Variants in LGALS8 observed in about 807,000 individuals in gnomAD.
The protein encoded by LGALS8 is galectin-8.
LGALS8 carries 30 observed loss-of-function variants against 35.9 expected under a neutral mutation model. That is an observed-to-expected ratio of 0.83 (90% CI 0.62 to 1.13). LGALS8 has a LOEUF of 1.13. Among genes scored for constraint, LGALS8 ranks in the 50% most tolerant of loss-of-function variants. LGALS8 has a pLI of 0.00. For missense variants in LGALS8, 366 were observed against 388.7 expected (o/e 0.94, Z 0.49); for synonymous variants, 138 against 136.1 (o/e 1.01, Z -0.10).
chr1:236,525,674 G>A (rs892255757), intron 1 of LGALS8: 5 of 159,406 alleles, frequency 3.1e-5, no homozygotes, highest in Admixed American at 6.3e-5. Context: ...AAAGTGCTGG[G>A]ATTACAGGTG....
Position 236,550,787 on chromosome 1 carries a change from T to C in LGALS8, c.*2626T>C. The C allele has an allele frequency of 1.4e-6, 1 of 734,492 alleles. No homozygotes were observed. The highest frequency in any genetic ancestry group is 2.0e-5 in the South Asian group (1 of 51,130). The allele number at this position is 734,492 out of a possible 1,614,324, so 45.5% of individuals were successfully genotyped here. ...AAAGAAGTGATAAAACATTTGTAAG[T>C]AATCCAAGTAGGTGTATTAAGGCAC... On this transcript the variant is annotated 3_prime_UTR_variant, in exon 10 of 10. Transcript: ENST00000366584.
intron 9 of LGALS8, among the ~76,000 whole-genome samples, chr1:236,547,582 G>A (rs1048416193): frequency 6.6e-6 from 1 of 152,032 alleles, no homozygotes; most frequent in Admixed American, 6.6e-5. Flanking sequence ...AAGTCCCTTG[G>A]TTCCAGGCTA....
Position 236,529,983 on chromosome 1 carries a change from A to G in LGALS8, c.45+3868A>G, listed in dbSNP as rs141556908. Among the ~76,000 whole-genome samples the G allele has an allele frequency of 3.1e-3, 469 of 152,292 alleles. 2 individuals carry two copies. Among genetic ancestry groups the G allele is most frequent in the African/African-American group, 0.011 (452 of 41,552 alleles). ...CTTTTCTTTCTATTGAATTTGAATG[A>G]ATAATTTGGAAGACAGTATCTTTAC... On this transcript the variant is annotated intron_variant, in intron 2 of 9. Transcript: ENST00000366584.
Position 236,537,639 on chromosome 1 carries a change from G to A in LGALS8, c.134+54G>A, listed in dbSNP as rs968217544. The A allele has an allele frequency of 5.6e-6, 7 of 1,257,012 alleles. No individual in the cohort carries two copies. The Admixed American group carries it at 1.2e-4, about 22-fold the overall frequency. 77.9% of individuals were successfully genotyped at this position (1,257,012 alleles called of 1,614,324 possible). Reference sequence around the variant, plus strand: ...ATGAATAGGCTGTCTTTTTGTGATTGTGGAATGATAACAGAGTAAGGCGGG... The same window carrying A: ...ATGAATAGGCTGTCTTTTTGTGATTATGGAATGATAACAGAGTAAGGCGGG... On this transcript the variant is annotated intron_variant, in intron 3 of 9. Transcript: ENST00000366584.
At chr1:236,545,256 A>G (rs917346935) in intron 9 of LGALS8, 3 of 165,226 alleles carry the variant, frequency 1.8e-5, no homozygotes, top group African/African-American at 7.2e-5. Context: ...GGAGACCCTA[A>G]AACTGCTTGC....
chr1:236,533,101 A>T (rs1431216518), intron 2 of LGALS8, among the ~76,000 whole-genome samples: 2 of 152,074 alleles, frequency 1.3e-5, no homozygotes, highest in Admixed American at 6.5e-5. Flanking sequence ...CTTCTTTCGT[A>T]TGTCACTCTA....
At chr1:236,533,159 G>A (rs1037030337) in intron 2 of LGALS8, among the ~76,000 whole-genome samples, 3 of 152,172 alleles carry the variant, frequency 2.0e-5, no homozygotes, top group African/African-American at 7.2e-5. Flanking sequence ...CTGACTGCGT[G>A]CTGAGAGAAG....
At chr1:236,543,687 C>A in intron 8 of LGALS8, 39 bp downstream of exon 8, 1 of 1,443,822 alleles carries the variant, frequency 6.9e-7, no homozygotes, top group Non-Finnish European at 9.8e-7. Context: ...GCAGATACTT[C>A]CGTGCCTGTT....
intron 2 of LGALS8, among the ~76,000 whole-genome samples, chr1:236,530,790 T>C (rs545659201): frequency 6.6e-6 from 1 of 152,316 alleles, no homozygotes; most frequent in Admixed American, 6.5e-5. Flanking sequence ...CTTTTCCTTT[T>C]AAAAAAATTT....
At chr1:236,527,744 T>TAA (rs1419068242) in intron 2 of LGALS8, among the ~76,000 whole-genome samples, 1 of 151,006 alleles carries the variant, frequency 6.6e-6, no homozygotes. Flanking sequence ...TTTTTTTTTT[T>TAA]AATTTTTTGA....
At chr1:236,539,237 G>A (rs1370635289) in intron 4 of LGALS8, 148 bp downstream of exon 4, 3 of 632,462 alleles carry the variant, frequency 4.7e-6, no homozygotes, top group Admixed American at 3.0e-5. Flanking sequence ...AAAAGGACCA[G>A]GAAGGCACCT....
intron 8 of LGALS8, among the ~76,000 whole-genome samples, chr1:236,544,151 C>T (rs1045146125): frequency 2.0e-5 from 3 of 152,136 alleles, no homozygotes; most frequent in Non-Finnish European, 4.4e-5. Context: ...CAGGGGTTCA[C>T]CATGTTGGCC....
chr1:236,523,958 C>T, upstream of LGALS8: 1 of 378,352 alleles, frequency 2.6e-6, no homozygotes, highest in Non-Finnish European at 5.3e-6. Flanking sequence ...TGACTCCTGT[C>T]GCTTCCCGTA....
chr1:236,543,383 G>C, intron 7 of LGALS8, 177 bp from the exon 8 acceptor site: 1 of 705,086 alleles, frequency 1.4e-6, no homozygotes, highest in Non-Finnish European at 2.6e-6. Context: ...TGTTTGCTTC[G>C]AGCCAGGGAC....
chr1:236,550,801 G>A lies in LGALS8; in HGVS notation c.*2640G>A. 3 of 841,844 alleles carry A rather than the reference G, an allele frequency of 3.6e-6. No individual in the cohort carries two copies. Among genetic ancestry groups the A allele is most frequent in the Non-Finnish European group, 5.7e-6 (3 of 529,972 alleles). 52.1% of individuals were successfully genotyped at this position (841,844 alleles called of 1,614,324 possible). ...ACATTTGTAAGTAATCCAAGTAGGT[G>A]TATTAAGGCACCAAAAGTAACATGG... is the stretch of plus-strand genomic sequence containing the variant. On this transcript the variant is annotated 3_prime_UTR_variant, in exon 10 of 10. Coordinates refer to ENST00000366584, the MANE Select transcript of LGALS8 (RefSeq NM_201544.4).
At position 236,552,240 on chromosome 1, in the gene LGALS8, T is replaced by C; in HGVS notation, c.*4079T>C. ...CATGCGTTTATTCACTTCATTATGT[T>C]CATTAAGCTTTCATCTTAGAATACC... On this transcript the variant is annotated 3_prime_UTR_variant, in exon 10 of 10. Transcript: ENST00000366584. The C allele has an allele frequency of 1.8e-6, 1 of 561,742 alleles. No homozygotes were observed. Among genetic ancestry groups the C allele is most frequent in the Non-Finnish European group, 3.1e-6 (1 of 320,160 alleles). 34.8% of individuals were successfully genotyped at this position (561,742 alleles called of 1,614,324 possible).
At chr1:236,527,498 T>G (rs1257534415) in intron 2 of LGALS8, among the ~76,000 whole-genome samples, 3 of 152,198 alleles carry the variant, frequency 2.0e-5, no homozygotes, top group Non-Finnish European at 4.4e-5. Flanking sequence ...TTTTTTTTCT[T>G]TCTTTTCAAA....
At chr1:236,540,725 T>A (rs752796448) in intron 5 of LGALS8, 42 bp downstream of exon 5, 1 of 1,548,918 alleles carries the variant, frequency 6.5e-7, no homozygotes, top group African/African-American at 1.4e-5. Context: ...ATGAGGATGG[T>A]TTCTGATGAG....
At position 236,524,033 on chromosome 1, in the gene LGALS8, C is replaced by A; in HGVS notation, c.-132C>A. The A allele has an allele frequency of 2.2e-6, 1 of 445,782 alleles. No individual in the cohort carries two copies. The highest frequency in any genetic ancestry group is 1.6e-5 in the South Asian group (1 of 63,366). The allele number at this position is 445,782 out of a possible 1,614,324, so 27.6% of individuals were successfully genotyped here. ...TTAGCTGCTGACAAACAACCTGCTCCGTGGAGCGCCTGAAACACCAGTCTT... is the reference window on the plus strand; with the variant it reads ...TTAGCTGCTGACAAACAACCTGCTCAGTGGAGCGCCTGAAACACCAGTCTT... On this transcript the variant is annotated 5_prime_UTR_variant, in exon 1 of 10. Coordinates refer to ENST00000366584, the MANE Select transcript of LGALS8 (RefSeq NM_201544.4).
Sources: allele counts gnomAD v4.1 joint callset (sites outside exome capture counted in the v4.1 genomes callset), GRCh38; gene constraint gnomAD v4.1.1; transcripts MANE v1.5; gene names NCBI Gene and HGNC (gene_info 2026-07-23, HGNC 2026-07-21).